Variants in FRMD6 observed in about 807,000 individuals in gnomAD.
The protein encoded by FRMD6 is FERM domain-containing protein 6.
Under a neutral mutation model 73.2 loss-of-function variants are expected in FRMD6, and 37 were observed. The observed-to-expected ratio is 0.51, with a 90% confidence interval of 0.39 to 0.66. The LOEUF (loss-of-function observed/expected upper bound fraction) is 0.66, where lower values mean the gene tolerates loss of function less well. Among genes scored for constraint, FRMD6 ranks in the 30% least tolerant of loss-of-function variants. The pLI, the probability that FRMD6 is intolerant of heterozygous loss-of-function variation, is 0.00. For synonymous variants in FRMD6, 273 were observed against 282.2 expected (o/e 0.97, Z 0.33); for missense variants, 714 against 780.5 (o/e 0.91, Z 1.02).
chr14:51,497,514 A>G (rs1371292951), intron 1 of FRMD6, among the ~76,000 whole-genome samples: 17 of 152,200 alleles, frequency 1.1e-4, no homozygotes, highest in Non-Finnish European at 1.5e-5. Flanking sequence ...ATGTTACAAT[A>G]GAAATATAAT....
chr14:51,588,994 A>T (rs1347381730), intron 2 of FRMD6, among the ~76,000 whole-genome samples: 1 of 152,158 alleles, frequency 6.6e-6, no homozygotes, highest in Non-Finnish European at 1.5e-5. Context: ...ACTCACTCTG[A>T]TATTAAACAC....
chr14:51,419,522 G>C, the FRMD6 span, among the ~76,000 whole-genome samples: 8 of 152,128 alleles, frequency 5.3e-5, no homozygotes, highest in Non-Finnish European at 5.9e-5. Flanking sequence ...GGCAAAATAT[G>C]GGGGAGGCAT....
the FRMD6 span, chr14:51,436,829 G>A: frequency 3.5e-6 from 2 of 577,818 alleles, no homozygotes; most frequent in Non-Finnish European, 6.1e-6. Context: ...TGAAGAAGGA[G>A]AAGGAGAAGA....
At chr14:51,665,874 G>T (rs1893545964) in intron 1 of FRMD6, among the ~76,000 whole-genome samples, 1 of 152,174 alleles carries the variant, frequency 6.6e-6, no homozygotes, top group African/African-American at 2.4e-5. Flanking sequence ...CTTCTCGTCT[G>T]CCGCCATATG....
At chr14:51,584,017 C>T (rs2139677317) in intron 2 of FRMD6, 1 of 152,278 alleles carries the variant, frequency 6.6e-6, no homozygotes, top group African/African-American at 2.4e-5. Flanking sequence ...AATCCATAGG[C>T]AGGTATACAA....
chr14:51,490,087 T>G (rs1882907953), intron 1 of FRMD6, among the ~76,000 whole-genome samples: 1 of 152,212 alleles, frequency 6.6e-6, no homozygotes, highest in African/African-American at 2.4e-5. Context: ...ATGAATACAA[T>G]GAGCTGTTAC....
At chr14:51,716,812 A>C (rs1897266626) in intron 10 of FRMD6, among the ~76,000 whole-genome samples, 1 of 152,204 alleles carries the variant, frequency 6.6e-6, no homozygotes, top group Admixed American at 6.5e-5. Flanking sequence ...TGACATGAAT[A>C]TGAAAAGGAA....
intron 2 of FRMD6, among the ~76,000 whole-genome samples, chr14:51,612,784 A>T (rs1890566033): frequency 6.6e-6 from 1 of 152,310 alleles, no homozygotes; most frequent in African/African-American, 2.4e-5. Context: ...ATTTCTCTGG[A>T]TATTAAATAA....
intron 2 of FRMD6, among the ~76,000 whole-genome samples, chr14:51,602,429 C>A (rs1165476644): frequency 6.6e-6 from 1 of 152,136 alleles, no homozygotes; most frequent in Non-Finnish European, 1.5e-5. Context: ...TTGTATGACA[C>A]ACAGACTAAA....
rs140730345 is a variant in FRMD6, at chr14:51,591,158, T to A, written c.-147+20748T>A. 5.1e-4 allele frequency among the ~76,000 whole-genome samples: 78 copies of A among 152,320 alleles called. No homozygotes were observed. In the East Asian group the frequency reaches 0.011, roughly 21 times the overall value. The stretch of plus-strand genomic sequence containing the variant: ...AGGGCTGTGGTGAGAATCCATCATG[T>A]TGATCAGGGCCAAGGCCAGTCCATA... On this transcript the variant is annotated intron_variant, in intron 2 of 14. Transcript: ENST00000356218.
chr14:51,409,705 C>A, the FRMD6 span, among the ~76,000 whole-genome samples: 1 of 152,098 alleles, frequency 6.6e-6, no homozygotes, highest in South Asian at 2.1e-4. Context: ...CTCAATTGAT[C>A]CTCCCACTTC....
intron 2 of FRMD6, among the ~76,000 whole-genome samples, chr14:51,613,097 A>C (rs1235491465): frequency 6.6e-6 from 1 of 152,138 alleles, no homozygotes; most frequent in Non-Finnish European, 1.5e-5. Flanking sequence ...TTTATGGAGG[A>C]CCTTTTTGGC....
the FRMD6 span, among the ~76,000 whole-genome samples, chr14:51,416,813 C>G: frequency 6.6e-6 from 1 of 152,174 alleles, no homozygotes; most frequent in Admixed American, 6.5e-5. Flanking sequence ...TCTCTAAGGA[C>G]TTGCTTTATG....
intron 2 of FRMD6, 132 bp from the exon 3 acceptor site, chr14:51,698,010 G>GCAGCA: frequency 1.7e-6 from 1 of 601,706 alleles, no homozygotes; most frequent in South Asian, 2.0e-5. Flanking sequence ...TTTGGATAAA[G>GCAGCA]CAGCAGTTGT....
chr14:51,507,224 T>C (rs1884021762), intron 1 of FRMD6, among the ~76,000 whole-genome samples: 1 of 152,064 alleles, frequency 6.6e-6, no homozygotes, highest in East Asian at 1.9e-4. Flanking sequence ...GTTCCCATTG[T>C]CATAGCAGCT....
intron 10 of FRMD6, among the ~76,000 whole-genome samples, chr14:51,717,689 A>G (rs1897311639): frequency 6.6e-6 from 1 of 152,162 alleles, no homozygotes; most frequent in Admixed American, 6.5e-5. Flanking sequence ...TCTCACCCCC[A>G]TTTAAGGGCT....
intron 2 of FRMD6, among the ~76,000 whole-genome samples, chr14:51,593,940 C>A (rs1889551112): frequency 6.6e-6 from 1 of 151,840 alleles, no homozygotes. Context: ...GAATAGAATC[C>A]CCCTACTTTC....
intron 1 of FRMD6, among the ~76,000 whole-genome samples, chr14:51,513,031 C>G (rs1884405784): frequency 2.6e-5 from 4 of 152,208 alleles, no homozygotes; most frequent in African/African-American, 4.8e-5. Flanking sequence ...CACCCTCACT[C>G]TCTCAAAATT....
At chr14:51,698,913 C>T (rs932373984) in intron 3 of FRMD6, among the ~76,000 whole-genome samples, 3 of 151,968 alleles carry the variant, frequency 2.0e-5, no homozygotes, top group Admixed American at 6.6e-5. Context: ...TTTTAAATTT[C>T]TCTAATTTAG....
Sources: allele counts gnomAD v4.1 joint callset (sites outside exome capture counted in the v4.1 genomes callset), GRCh38; gene constraint gnomAD v4.1.1; transcripts MANE v1.5; gene names NCBI Gene and HGNC (gene_info 2026-07-23, HGNC 2026-07-21).